TMPRSS13: variants seen among roughly 807,000 people sequenced by gnomAD.
TMPRSS13 encodes transmembrane protease serine 13.
A neutral mutation model predicts 68.4 loss-of-function variants in TMPRSS13; 50 were observed. The ratio of observed to expected loss-of-function variants is 0.73; its 90% confidence interval spans 0.58 to 0.93. TMPRSS13 has a LOEUF of 0.93. Ranked by LOEUF, TMPRSS13 falls within the 40% of genes least tolerant of loss-of-function variation. TMPRSS13 has a pLI of 0.00. For synonymous variants in TMPRSS13, 267 were observed against 285.8 expected, an observed-to-expected ratio of 0.93 and a Z score of 0.66; for missense variants, 615 against 729.2, an observed-to-expected ratio of 0.84 and a Z score of 1.80.
intron 1 of TMPRSS13, among the ~76,000 whole-genome samples, chr11:117,920,736 G>T (rs2057636738): frequency 6.6e-6 from 1 of 152,098 alleles, no homozygotes; most frequent in African/African-American, 2.4e-5. Flanking sequence ...TGATCCACCC[G>T]CCTCAGCCTC....
chr11:117,903,736 GCC>G lies in TMPRSS13; in HGVS notation c.1594_1595del (p.Gly532HisfsTer235). On this transcript the variant is annotated frameshift_variant, in exon 12 of 13. Coordinates refer to ENST00000524993, the MANE Select transcript of TMPRSS13 (RefSeq NM_001077263.3). LOFTEE classifies it high-confidence loss of function. ...GTTTGTTTCTCTGGCCACAGCCTGT[GCC>G]CCAGCTGGTGACACCTGCCAGGTAC... ...RWYLAGVTSW[G>X]TGCGQRNKPG... 1 of 1,613,386 alleles carries G rather than the reference GCC, an allele frequency of 6.2e-7. No homozygotes were observed. Among genetic ancestry groups the G allele is most frequent in the Non-Finnish European group, 8.5e-7 (1 of 1,179,716 alleles).
At position 117,901,983 on chromosome 11, in the gene TMPRSS13, T is replaced by G. The variant is rs903129971; in HGVS notation, c.*256A>C. 2 of 575,732 alleles carry G rather than the reference T, an allele frequency of 3.5e-6. No individual in the cohort carries two copies. Among genetic ancestry groups the G allele is most frequent in the African/African-American group, 3.8e-5 (2 of 53,286 alleles). The allele number at this position is 575,732 out of a possible 1,614,324, so 35.7% of individuals were successfully genotyped here. On this transcript the variant is annotated 3_prime_UTR_variant, in exon 13 of 13. Transcript: ENST00000524993. ...ACATCCACGGTACTCAACTCTTGTC[T>G]CCAGGTAATTTCCAGCCTGGGATTT...
chr11:117,912,641 C>T (rs2057535433), intron 5 of TMPRSS13, among the ~76,000 whole-genome samples: 1 of 152,198 alleles, frequency 6.6e-6, no homozygotes. Flanking sequence ...TCAGAGGGCC[C>T]ATTCTCTGCT....
rs2057413571 is a variant in TMPRSS13, at chr11:117,902,002, G to C, written c.*237C>G. On this transcript the variant is annotated 3_prime_UTR_variant, in exon 13 of 13. Transcript: ENST00000524993. ...CTTGTCTCCAGGTAATTTCCAGCCT[G>C]GGATTTTGAGAAGAGTTGACAGCTC... The C allele has an allele frequency of 3.4e-6, 2 of 591,476 alleles. No individual in the cohort carries two copies. The highest frequency in any genetic ancestry group is 2.8e-5 in the Admixed American group (1 of 36,070). The allele number at this position is 591,476 out of a possible 1,614,324, so 36.6% of individuals were successfully genotyped here. A position where few individuals can be genotyped will look rare whatever the true frequency, so the allele number is the denominator to read the frequency against.
intron 6 of TMPRSS13, among the ~76,000 whole-genome samples, chr11:117,911,384 G>A (rs544214384): frequency 3.1e-4 from 47 of 152,158 alleles, no homozygotes; most frequent in African/African-American, 1.1e-3. Context: ...GTAGAGGAGC[G>A]GCATGTGCAA....
At chr11:117,927,535 G>C (rs530278086) in intron 1 of TMPRSS13, among the ~76,000 whole-genome samples, 3 of 152,274 alleles carry the variant, frequency 2.0e-5, no homozygotes, top group African/African-American at 7.2e-5. Flanking sequence ...AGCTGACAGA[G>C]GAGTGCCATC....
At chr11:117,904,467 C>A (rs1024710101) in intron 10 of TMPRSS13, among the ~76,000 whole-genome samples, 1 of 152,138 alleles carries the variant, frequency 6.6e-6, no homozygotes, top group Non-Finnish European at 1.5e-5. Context: ...CTAAAGAGAG[C>A]AGGTGGCATT....
rs1196315004 is a variant in TMPRSS13, at chr11:117,910,692, A to C, written c.946+15T>G. 1 of 1,606,208 alleles carries C rather than the reference A, an allele frequency of 6.2e-7. No homozygotes were observed. Among genetic ancestry groups the C allele is most frequent in the Middle Eastern group, 1.7e-4 (1 of 6,046 alleles). ...ACACGACACTGGCCACAATCCAAGA[A>C]GAAGAACATCTTACGGGAACACTGG... On this transcript the variant is annotated intron_variant, in intron 7 of 12. Coordinates refer to ENST00000524993, the MANE Select transcript of TMPRSS13 (RefSeq NM_001077263.3).
intron 1 of TMPRSS13, among the ~76,000 whole-genome samples, chr11:117,928,859 G>C (rs1177742370): frequency 6.6e-6 from 1 of 152,190 alleles, no homozygotes; most frequent in Non-Finnish European, 1.5e-5. Flanking sequence ...GGAGTGTAGT[G>C]AGGGGTTTAG....
chr11:117,903,394 T>C (rs2057427614), intron 12 of TMPRSS13: 7 of 1,535,244 alleles, frequency 4.6e-6, no homozygotes, highest in East Asian at 2.4e-5. Context: ...TGGGAGAACA[T>C]CTGCCCAGCA....
intron 1 of TMPRSS13, among the ~76,000 whole-genome samples, chr11:117,923,034 A>G (rs753223935): frequency 2.0e-5 from 3 of 152,220 alleles, no homozygotes; most frequent in Non-Finnish European, 4.4e-5. Context: ...GGTAAGGGAC[A>G]AGCCAGGGAG....
chr11:117,912,561 A>G (rs540364766), intron 5 of TMPRSS13, among the ~76,000 whole-genome samples: 9 of 152,194 alleles, frequency 5.9e-5, no homozygotes, highest in African/African-American at 2.2e-4. Context: ...GAACATATGT[A>G]TATTTCTAGA....
intron 2 of TMPRSS13, 100 bp downstream of exon 2, chr11:117,918,308 CG>C: frequency 7.6e-7 from 1 of 1,310,820 alleles, no homozygotes; most frequent in Non-Finnish European, 1.0e-6. Flanking sequence ...TTCCCCGCAT[CG>C]TTGTCTGCTA....
intron 7 of TMPRSS13, 121 bp from the exon 8 acceptor site, chr11:117,910,089 G>T (rs376072171): frequency 1.6e-6 from 2 of 1,224,204 alleles, no homozygotes; most frequent in Non-Finnish European, 2.3e-6. Context: ...GCCCCATCCT[G>T]AAGGGCACCC....
In TMPRSS13 at chr11:117,915,045, C is replaced by T. The variant is rs1408371246; in HGVS notation, c.557-531G>A. Among the ~76,000 whole-genome samples the T allele has an allele frequency of 6.6e-6, 1 of 152,204 alleles. No individual in the cohort carries two copies. The highest frequency in any genetic ancestry group is 6.5e-5 in the Admixed American group (1 of 15,286). ...GTTTTTTGCTTCTCCCTCTCCCCTGCGCAAGGGACACCTCTATGCTCAGTT... is the reference window on the plus strand; with the variant it reads ...GTTTTTTGCTTCTCCCTCTCCCCTGTGCAAGGGACACCTCTATGCTCAGTT... On this transcript the variant is annotated intron_variant, in intron 3 of 12. Coordinates refer to ENST00000524993, the MANE Select transcript of TMPRSS13 (RefSeq NM_001077263.3). This position sits in a 1 kb window ranked among gnomAD's most constrained non-coding sequence, Gnocchi z 4.9.
chr11:117,913,598 A>T (rs2057543854), intron 5 of TMPRSS13, among the ~76,000 whole-genome samples, 179 bp downstream of exon 5: 1 of 151,976 alleles, frequency 6.6e-6, no homozygotes, highest in South Asian at 2.1e-4. Context: ...TCTGCTCCAG[A>T]CTCATAGGAT....
chr11:117,917,248 G>A lies in TMPRSS13; in HGVS notation c.478C>T (p.Arg160Trp), dbSNP rs554580596. Residue 160 changes from arginine (R) to tryptophan (W), a missense_variant, in exon 3 of 13, where the codon CGG becomes TGG. By Grantham distance (101) the Arg-to-Trp change is moderately radical. Coordinates refer to ENST00000524993, the MANE Select transcript of TMPRSS13 (RefSeq NM_001077263.3). Reference sequence around the variant, plus strand: ...AGCGGTAGCTGCTTCTGGCCCTCCCGCCAGGTGAACTTGGGCAGGCTCGTA... The same window carrying A: ...AGCGGTAGCTGCTTCTGGCCCTCCCACCAGGTGAACTTGGGCAGGCTCGTA... Reference protein sequence around the residue: ...PGTSLPKFTWREGQKQLPLIG... With the variant: ...PGTSLPKFTWWEGQKQLPLIG... 38 of 1,612,562 alleles carry A rather than the reference G, an allele frequency of 2.4e-5. No homozygotes were observed. The highest frequency in any genetic ancestry group is 1.4e-4 in the South Asian group (13 of 91,022).
In TMPRSS13 at chr11:117,908,646, G is replaced by A. The variant is rs372012148; in HGVS notation, c.1248C>T (p.Ala416=). ...YTDEEDDYDI[A]LMRLSKPLTL... is the part of the protein sequence containing the mutation. Reference sequence around the variant, plus strand: ...TCAGGGGCTTGGACAGCCGCATGAGGGCGATGTCATAGTCGTCCTCCTCAT... The same window carrying A: ...TCAGGGGCTTGGACAGCCGCATGAGAGCGATGTCATAGTCGTCCTCCTCAT... The change falls in exon 9 of 13, where the codon GCC becomes GCT. Residue 416 remains alanine, a synonymous_variant. Transcript: ENST00000524993. The A allele has an allele frequency of 3.7e-5, 59 of 1,575,982 alleles. No homozygotes were observed. Among genetic ancestry groups the A allele is most frequent in the Non-Finnish European group, 5.0e-5 (58 of 1,161,368 alleles).
chr11:117,917,742 GC>G (rs766374105), intron 2 of TMPRSS13, among the ~76,000 whole-genome samples: 13 of 152,176 alleles, frequency 8.5e-5, no homozygotes, highest in Admixed American at 3.9e-4. Flanking sequence ...TGTGGGATGG[GC>G]CCCAAACTTC....
Sources: allele counts gnomAD v4.1 joint callset (sites outside exome capture counted in the v4.1 genomes callset), GRCh38; gene constraint gnomAD v4.1.1; non-coding constraint Gnocchi (gnomAD v3.1); transcripts MANE v1.5; gene names NCBI Gene and HGNC (gene_info 2026-07-23, HGNC 2026-07-21).